The following ODF4 variants were observed in gnomAD, a reference collection of about 807,000 sequenced individuals.
ODF4 encodes the protein outer dense fiber protein 4.
In ODF4, 11 loss-of-function variants were observed where a neutral mutation model predicts 17.0. The observed-to-expected ratio is 0.65, with a 90% CI of 0.41 to 1.07. The LOEUF (loss-of-function observed/expected upper bound fraction) is 1.07, where lower values mean the gene tolerates loss of function less well. ODF4 is among the 50% of genes least tolerant of loss of function. ODF4 has a pLI of 0.00. For missense variants in ODF4, 281 were observed against 310.2 expected (o/e 0.91, Z 0.71); for synonymous variants, 127 against 121.8 (o/e 1.04, Z -0.28).
At chr17:8,341,026 TA>T (rs1905990246) in intron 1 of ODF4, among the ~76,000 whole-genome samples, 1 of 151,860 alleles carries the variant, frequency 6.6e-6, no homozygotes, top group African/African-American at 2.4e-5. Context: ...CCGTCTCTAC[TA>T]AAAATACAAA....
intron 1 of ODF4, among the ~76,000 whole-genome samples, chr17:8,342,469 C>A (rs1906060792): frequency 6.6e-6 from 1 of 151,632 alleles, no homozygotes; most frequent in Admixed American, 6.6e-5. Flanking sequence ...TTTTGAACTC[C>A]TGACCTCAGA....
chr17:8,340,422 T>C lies in ODF4; in HGVS notation c.371T>C (p.Ile124Thr). 6.2e-7 allele frequency: 1 copy of C among 1,613,922 alleles called. No homozygotes were observed. Among genetic ancestry groups the C allele is most frequent in the Non-Finnish European group, 8.5e-7 (1 of 1,179,918 alleles). ...TGGCCCGTGGATGTCAGCAACAGAA[T>C]CCACACATCAGCCCACGTTATGTCC... Reference protein sequence around the residue: ...QRWPVDVSNRIHTSAHVMSMG... With the variant: ...QRWPVDVSNRTHTSAHVMSMG... The change falls in exon 1 of 3, where the codon ATC becomes ACC. Residue 124 changes from isoleucine (I) to threonine (T), a missense_variant. Ile to Thr is a moderately conservative substitution (Grantham distance 89). Coordinates refer to ENST00000328248, the MANE Select transcript of ODF4 (RefSeq NM_153007.5).
Position 8,346,021 on chromosome 17 carries a change from A to G in ODF4, c.*169A>G, listed in dbSNP as rs947059636. 40 of 558,732 alleles carry G rather than the reference A, an allele frequency of 7.2e-5. No homozygotes were observed. Among genetic ancestry groups the G allele is most frequent in the Non-Finnish European group, 1.3e-5 (4 of 316,678 alleles). 34.6% of individuals were successfully genotyped at this position (558,732 alleles called of 1,614,324 possible). On this transcript the variant is annotated 3_prime_UTR_variant, in exon 3 of 3. Coordinates refer to ENST00000328248, the MANE Select transcript of ODF4 (RefSeq NM_153007.5). ...CTTGATTGAGCTTGAGTGATGTGGA[A>G]TAAATTGTCCGTCTCTTCTTTCTCA... is the stretch of plus-strand genomic sequence containing the variant.
At position 8,340,396 on chromosome 17, in the gene ODF4, C is replaced by T. The variant is rs1431923387; in HGVS notation, c.345C>T (p.Arg115=). Residue 115 remains arginine, a synonymous_variant, in exon 1 of 3, where the codon CGC becomes CGT. Transcript: ENST00000328248. ...LDLSRSLFYQ[R]WPVDVSNRIH... Reference sequence around the variant, plus strand: ...TCTCTAGGAGCCTCTTCTACCAGCGCTGGCCCGTGGATGTCAGCAACAGAA... The same window carrying T: ...TCTCTAGGAGCCTCTTCTACCAGCGTTGGCCCGTGGATGTCAGCAACAGAA... 2 of 1,613,810 alleles carry T rather than the reference C, an allele frequency of 1.2e-6. No individual in the cohort carries two copies. Among genetic ancestry groups the T allele is most frequent in the Admixed American group, 1.7e-5 (1 of 59,994 alleles).
chr17:8,341,350 C>A (rs763697746), intron 1 of ODF4, among the ~76,000 whole-genome samples: 1 of 152,168 alleles, frequency 6.6e-6, no homozygotes, highest in African/African-American at 2.4e-5. Context: ...CCCTCTCAGG[C>A]CCTGATCCCA....
intron 1 of ODF4, among the ~76,000 whole-genome samples, chr17:8,344,315 T>C (rs1385638805): frequency 7.8e-6 from 1 of 128,122 alleles, no homozygotes; most frequent in Non-Finnish European, 1.7e-5. Context: ...CTTTGGAGAA[T>C]TGCAGTTTAA....
At chr17:8,340,885 A>C (rs1405211564) in intron 1 of ODF4, among the ~76,000 whole-genome samples, 5 of 79,394 alleles carry the variant, frequency 6.3e-5, no homozygotes, top group Middle Eastern at 5.6e-3. Context: ...CTCCTGTCTC[A>C]AAAAAAAAAA....
Position 8,345,982 on chromosome 17 carries a change from T to C in ODF4, c.*130T>C. On this transcript the variant is annotated 3_prime_UTR_variant, in exon 3 of 3. Coordinates refer to ENST00000328248, the MANE Select transcript of ODF4 (RefSeq NM_153007.5). This position sits in a 1 kb window ranked among gnomAD's most constrained non-coding sequence, Gnocchi z 4.1. ...AGAAAGGGAGGATTTTGCACTCCTC[T>C]GCTTTCTCCCTGCCTTGATTGAGCT... 1.5e-6 allele frequency: 1 copy of C among 672,866 alleles called. No homozygotes were observed. Among genetic ancestry groups the C allele is most frequent in the African/African-American group, 1.8e-5 (1 of 55,586 alleles). 41.7% of individuals were successfully genotyped at this position (672,866 alleles called of 1,614,324 possible).
rs965665281 is a variant in ODF4 at position 8,345,251 on chromosome 17, G to T, written c.455-92G>T. On this transcript the variant is annotated intron_variant, in intron 1 of 2. Coordinates refer to ENST00000328248, the MANE Select transcript of ODF4 (RefSeq NM_153007.5). This position sits in a 1 kb window ranked among gnomAD's most constrained non-coding sequence, Gnocchi z 4.1. ...CAGGGCCAGTCACTCTGTGTGTGGT[G>T]ATGTGGTTTGTGGCTGTAGCCTAGC... The T allele has an allele frequency of 4.2e-6, 5 of 1,181,112 alleles. No individual in the cohort carries two copies. Among genetic ancestry groups the T allele is most frequent in the South Asian group, 1.4e-5 (1 of 72,412 alleles). 73.2% of individuals were successfully genotyped at this position (1,181,112 alleles called of 1,614,324 possible).
chr17:8,345,662 T>C lies in ODF4; in HGVS notation c.590-6T>C. ...TTTCCTCTCCCCTGTCCCTGTCCTT[T>C]CCCAGCGATCCTTTGCTACTTCAAC... On this transcript the variant is annotated splice_region_variant and splice_polypyrimidine_tract_variant and intron_variant, in intron 2 of 2. Coordinates refer to ENST00000328248, the MANE Select transcript of ODF4 (RefSeq NM_153007.5). The surrounding 1 kb of genome is among the most constrained non-coding windows in gnomAD (Gnocchi z 4.1). 1.9e-6 allele frequency: 3 copies of C among 1,613,680 alleles called. No individual in the cohort carries two copies. Among genetic ancestry groups the C allele is most frequent in the South Asian group, 1.1e-5 (1 of 91,056 alleles).
At position 8,345,915 on chromosome 17, in the gene ODF4, C is replaced by T. The variant is rs1254298847; in HGVS notation, c.*63C>T. On this transcript the variant is annotated 3_prime_UTR_variant, in exon 3 of 3. Transcript: ENST00000328248. The surrounding 1 kb of genome is among the most constrained non-coding windows in gnomAD (Gnocchi z 4.1). The stretch of plus-strand genomic sequence containing the variant: ...ATCTGACCCCATCTCCTCATCCTCC[C>T]CCAGCCCTTGAATAGGTTGGTCCTC... 3 of 1,412,686 alleles carry T rather than the reference C, an allele frequency of 2.1e-6. No individual in the cohort carries two copies. Among genetic ancestry groups the T allele is most frequent in the Non-Finnish European group, 3.0e-6 (3 of 1,009,578 alleles). The allele number at this position is 1,412,686 out of a possible 1,614,324, so 87.5% of individuals were successfully genotyped here. A position where few individuals can be genotyped will look rare whatever the true frequency, so the allele number is the denominator to read the frequency against.
At chr17:8,341,361 C>A (rs532393433) in intron 1 of ODF4, among the ~76,000 whole-genome samples, 1 of 152,210 alleles carries the variant, frequency 6.6e-6, no homozygotes. Context: ...CCTGATCCCA[C>A]ACATTCTCCT....
At position 8,340,285 on chromosome 17, in the gene ODF4, G is replaced by A; in HGVS notation, c.234G>A (p.Trp78Ter). ...FQWRITHSFR[W>*]MAQVLASELS... The stretch of plus-strand genomic sequence containing the variant: ...GGAGAATCACACACAGCTTCCGCTG[G>A]ATGGCCCAGGTGTTGGCCTCTGAGC... Residue 78 changes from tryptophan (W) to a stop codon, truncating the protein, a stop_gained, in exon 1 of 3, where the codon TGG (tryptophan) becomes TGA (stop). Transcript: ENST00000328248. LOFTEE classifies it high-confidence loss of function. 6.2e-7 allele frequency: 1 copy of A among 1,614,004 alleles called. No individual in the cohort carries two copies. Among genetic ancestry groups the A allele is most frequent in the South Asian group, 1.1e-5 (1 of 91,066 alleles).
Position 8,345,749 on chromosome 17 carries a change from G to A in ODF4, c.671G>A (p.Ser224Asn). Residue 224 changes from serine to asparagine, a missense_variant, in exon 3 of 3, where the codon AGT becomes AAT. Coordinates refer to ENST00000328248, the MANE Select transcript of ODF4 (RefSeq NM_153007.5). The surrounding 1 kb of genome is among the most constrained non-coding windows in gnomAD (Gnocchi z 4.1). ...HPSGAVSCSS[S>N]FGSVEESPRA... is the part of the protein sequence containing the mutation. ...AGTGGTGCCGTGTCCTGCAGCAGCA[G>A]TTTCGGCTCAGTAGAAGAATCTCCA... 1 of 1,614,152 alleles carries A rather than the reference G, an allele frequency of 6.2e-7. No homozygotes were observed.
At chr17:8,342,494 C>T (rs1182783261) in intron 1 of ODF4, among the ~76,000 whole-genome samples, 1 of 135,454 alleles carries the variant, frequency 7.4e-6, no homozygotes, top group African/African-American at 3.0e-5. Context: ...CCGCCTGCCT[C>T]GGCCTCCCAA....
Position 8,345,446 on chromosome 17 carries a change from TTGGC to T in ODF4, c.562_565del (p.Leu188CysfsTer22). 8 of 1,614,150 alleles carry T rather than the reference TTGGC, an allele frequency of 5.0e-6. No individual in the cohort carries two copies. Among genetic ancestry groups the T allele is most frequent in the Non-Finnish European group, 6.8e-6 (8 of 1,179,998 alleles). ...CCATAGGCTGGAGCTATTTCATTGG[TTGGC>T]TGGTGCTTATCCTATACTTCACCTG... On this transcript the variant is annotated frameshift_variant, in exon 2 of 3. Coordinates refer to ENST00000328248, the MANE Select transcript of ODF4 (RefSeq NM_153007.5). LOFTEE classifies it low-confidence loss of function (END_TRUNC). This position sits in a 1 kb window ranked among gnomAD's most constrained non-coding sequence, Gnocchi z 4.1.
At chr17:8,342,955 A>G (rs893126883) in intron 1 of ODF4, among the ~76,000 whole-genome samples, 1 of 150,582 alleles carries the variant, frequency 6.6e-6, no homozygotes, top group African/African-American at 2.5e-5. Context: ...CTGGTCTCCA[A>G]CTCCTGGGCT....
chr17:8,343,009 C>T (rs570142885), intron 1 of ODF4, among the ~76,000 whole-genome samples: 9 of 151,992 alleles, frequency 5.9e-5, no homozygotes, highest in South Asian at 2.1e-4. Context: ...TTGGGATTAC[C>T]GGTGTGAGCC....
chr17:8,339,911 C>A lies in ODF4; in HGVS notation c.-141C>A. On this transcript the variant is annotated 5_prime_UTR_variant, in exon 1 of 3. Coordinates refer to ENST00000328248, the MANE Select transcript of ODF4 (RefSeq NM_153007.5). ...TTGGATCAAGAGTCTCTTATTTGAT[C>A]GAGGTCTGTTATTAGACTTCCTCAT... 1 of 522,210 alleles carries A rather than the reference C, an allele frequency of 1.9e-6. No homozygotes were observed. Among genetic ancestry groups the A allele is most frequent in the Non-Finnish European group, 3.3e-6 (1 of 304,006 alleles). 32.3% of individuals were successfully genotyped at this position (522,210 alleles called of 1,614,324 possible).
Sources: gnomAD v4.1 joint callset for allele counts (sites outside exome capture counted in the v4.1 genomes callset) on GRCh38, gnomAD v4.1.1 for gene constraint, Gnocchi (gnomAD v3.1) non-coding constraint, MANE v1.5 for transcripts, NCBI Gene and HGNC (gene_info 2026-07-23, HGNC 2026-07-21) for gene names.